The following PCDHGB3 variants were observed in gnomAD, a reference collection of about 807,000 sequenced individuals.
PCDHGB3 encodes protocadherin gamma subfamily B, 3, also known as protocadherin gamma-B3.
Under a neutral mutation model 59.2 loss-of-function variants are expected in PCDHGB3, and 40 were observed. The observed-to-expected ratio is 0.68, with a 90% confidence interval of 0.52 to 0.88. The LOEUF is 0.88. Among genes scored for constraint, PCDHGB3 ranks in the 40% least tolerant of loss-of-function variants. PCDHGB3 has a pLI of 0.00. For missense variants in PCDHGB3, 1,309 were observed against 1,187.9 expected (o/e 1.10, Z -1.50); for synonymous variants, 581 against 503.6 (o/e 1.15, Z -2.06).
intron 1 of PCDHGB3, chr5:141,478,158 C>G: frequency 6.2e-7 from 1 of 1,614,054 alleles, no homozygotes; most frequent in Non-Finnish European, 8.5e-7. Flanking sequence ...CCCTCTGGCT[C>G]TGCCCCCCGG....
chr5:141,415,278 G>A (rs768587119), intron 1 of PCDHGB3: 4 of 1,614,212 alleles, frequency 2.5e-6, no homozygotes, highest in Non-Finnish European at 3.4e-6. Flanking sequence ...TGGTAGCGGT[G>A]GCCGCGGTCT....
Position 141,389,732 on chromosome 5 carries a change from C to T in PCDHGB3, c.2415+16923C>T, listed in dbSNP as rs765577336. 11 of 1,612,674 alleles carry T rather than the reference C, an allele frequency of 6.8e-6. No homozygotes were observed. The South Asian group carries it at 1.2e-4, about 18-fold the overall frequency. ...AGGCTAGCGAGCCCGGGCTCTTCAGCCTGGGGCTGCGCACGGGCGAAGTGC... is the reference window on the plus strand; with the variant it reads ...AGGCTAGCGAGCCCGGGCTCTTCAGTCTGGGGCTGCGCACGGGCGAAGTGC... On this transcript the variant is annotated intron_variant, in intron 1 of 3. Transcript: ENST00000576222.
At chr5:141,373,796 CCT>C (rs1278238672) in intron 1 of PCDHGB3, 9 of 310,398 alleles carry the variant, frequency 2.9e-5, no homozygotes, top group African/African-American at 1.3e-4. Flanking sequence ...GAAATAAAAT[CCT>C]CTGTGTGATA....
At chr5:141,374,338 C>T in intron 1 of PCDHGB3, 1 of 1,613,994 alleles carries the variant, frequency 6.2e-7, no homozygotes, top group Non-Finnish European at 8.5e-7. Context: ...GCAGCTTGGT[C>T]ACCGCGGGTA....
chr5:141,431,699 T>C lies in PCDHGB3; in HGVS notation c.2415+58890T>C. ...GGAGTTGGACCACGAGGAGTCAGGA[T>C]TCTACCAGATGGAAGTGCAAGCAAT... is the stretch of plus-strand genomic sequence containing the variant. On this transcript the variant is annotated intron_variant, in intron 1 of 3. Coordinates refer to ENST00000576222, the MANE Select transcript of PCDHGB3 (RefSeq NM_018924.5). The surrounding 1 kb of genome is among the most constrained non-coding windows in gnomAD (Gnocchi z 4.8). 6.2e-7 allele frequency: 1 copy of C among 1,614,222 alleles called. No individual in the cohort carries two copies. Among genetic ancestry groups the C allele is most frequent in the South Asian group, 1.1e-5 (1 of 91,074 alleles).
chr5:141,376,095 T>A, intron 1 of PCDHGB3: 10 of 1,613,628 alleles, frequency 6.2e-6, no homozygotes, highest in Non-Finnish European at 8.5e-6. Flanking sequence ...ATCCCCGACA[T>A]CCTGGCCGAC....
chr5:141,442,818 C>A (rs553817796), intron 1 of PCDHGB3, among the ~76,000 whole-genome samples: 1 of 151,882 alleles, frequency 6.6e-6, no homozygotes, highest in Non-Finnish European at 1.5e-5. Context: ...TGTACTGATC[C>A]AAAAATAAGG....
intron 1 of PCDHGB3, chr5:141,427,685 C>T: frequency 1.2e-6 from 1 of 852,116 alleles, no homozygotes; most frequent in Non-Finnish European, 1.9e-6. Context: ...TTCCCGGAGC[C>T]TCCATCCCAC....
intron 1 of PCDHGB3, chr5:141,428,062 A>G: frequency 6.2e-7 from 1 of 1,609,084 alleles, no homozygotes; most frequent in African/African-American, 1.3e-5. Flanking sequence ...GTGGCGGTGG[A>G]CGCAGATTCG....
intron 1 of PCDHGB3, chr5:141,389,258 C>G: frequency 6.2e-7 from 1 of 1,614,022 alleles, no homozygotes; most frequent in Non-Finnish European, 8.5e-7. Context: ...ATATAGTCCA[C>G]GTGGCCGAGA....
chr5:141,398,985 A>C, intron 1 of PCDHGB3: 2 of 1,613,964 alleles, frequency 1.2e-6, no homozygotes, highest in Non-Finnish European at 1.7e-6. Context: ...GAACCGGGCA[A>C]ATCTTTAGTC....
chr5:141,370,644 T>G lies in PCDHGB3; in HGVS notation c.250T>G (p.Leu84Val). ...FFTVSPENGNLLVSDRIDREE... is the reference protein window; with the variant it reads ...FFTVSPENGNVLVSDRIDREE... ...TACCGTGAGCCCCGAAAATGGGAAC[T>G]TACTTGTGAGCGACCGTATAGACCG... The change falls in exon 1 of 4, where the codon TTA becomes GTA. Residue 84 changes from leucine to valine, a missense_variant. Leu to Val is a conservative substitution (Grantham distance 32). Transcript: ENST00000576222. The G allele has an allele frequency of 6.2e-7, 1 of 1,613,920 alleles. No individual in the cohort carries two copies. Among genetic ancestry groups the G allele is most frequent in the African/African-American group, 1.3e-5 (1 of 75,058 alleles).
chr5:141,428,197 G>A, intron 1 of PCDHGB3: 3 of 1,385,968 alleles, frequency 2.2e-6, no homozygotes, highest in Non-Finnish European at 3.0e-6. Context: ...CGCTCTCTGC[G>A]CCGCTACGCT....
intron 1 of PCDHGB3, chr5:141,419,142 G>A (rs1351034238): frequency 6.2e-7 from 1 of 1,613,902 alleles, no homozygotes; most frequent in Non-Finnish European, 8.5e-7. Context: ...ACAGACAGGG[G>A]CAAGCCTCCG....
Position 141,491,826 on chromosome 5 carries a change from C to A in PCDHGB3, c.2416-2981C>A. 1 of 1,477,526 alleles carries A rather than the reference C, an allele frequency of 6.8e-7. No homozygotes were observed. The highest frequency in any genetic ancestry group is 9.0e-7 in the Non-Finnish European group (1 of 1,114,486). The allele number at this position is 1,477,526 out of a possible 1,614,324, so 91.5% of individuals were successfully genotyped here. A position where few individuals can be genotyped will look rare whatever the true frequency, so the allele number is the denominator to read the frequency against. ...GGCTTGGTCGCTGGCTGCGCTCCAC[C>A]CGATTCTCGGGATCATTGGACCGTT... On this transcript the variant is annotated intron_variant, in intron 1 of 3. Transcript: ENST00000576222. The surrounding 1 kb of genome is among the most constrained non-coding windows in gnomAD (Gnocchi z 6.9).
intron 1 of PCDHGB3, among the ~76,000 whole-genome samples, chr5:141,445,429 C>G (rs974775529): frequency 2.6e-5 from 4 of 152,200 alleles, no homozygotes; most frequent in Non-Finnish European, 5.9e-5. Flanking sequence ...ATGCAAGGCA[C>G]TGACCTATGG....
chr5:141,508,961 A>G (rs991011427), intron 3 of PCDHGB3, among the ~76,000 whole-genome samples: 2 of 151,978 alleles, frequency 1.3e-5, no homozygotes, highest in Non-Finnish European at 2.9e-5. Flanking sequence ...TGTCAGCGGA[A>G]TGAAAGGGCT....
In PCDHGB3 at chr5:141,511,406, G is replaced by C; in HGVS notation, c.*233G>C. The C allele has an allele frequency of 1.1e-6, 1 of 942,018 alleles. No individual in the cohort carries two copies. The highest frequency in any genetic ancestry group is 1.7e-5 in the African/African-American group (1 of 60,280). The allele number at this position is 942,018 out of a possible 1,614,324, so 58.4% of individuals were successfully genotyped here. ...GCTGGGAACCCCCATCCAATCAACT[G>C]CTGTACCCATGGGGGTAGTGGGGTT... On this transcript the variant is annotated 3_prime_UTR_variant, in exon 4 of 4. Coordinates refer to ENST00000576222, the MANE Select transcript of PCDHGB3 (RefSeq NM_018924.5).
chr5:141,410,779 T>C, intron 1 of PCDHGB3: 4 of 947,572 alleles, frequency 4.2e-6, no homozygotes, highest in Non-Finnish European at 6.0e-6. Flanking sequence ...TTTCACTATG[T>C]ATTTGGTTCA....
Sources: gnomAD v4.1 joint callset for allele counts (sites outside exome capture counted in the v4.1 genomes callset) on GRCh38, gnomAD v4.1.1 for gene constraint, Gnocchi (gnomAD v3.1) non-coding constraint, MANE v1.5 for transcripts, NCBI Gene and HGNC (gene_info 2026-07-23, HGNC 2026-07-21) for gene names.